The following PLCE1 variants were observed in gnomAD, a reference collection of about 807,000 sequenced individuals.
PLCE1 encodes the protein 1-phosphatidylinositol 4,5-bisphosphate phosphodiesterase epsilon-1.
In PLCE1, 119 loss-of-function variants were observed where a neutral mutation model predicts 242.8. That is an observed-to-expected ratio of 0.49 (90% CI 0.42 to 0.57). PLCE1 has a LOEUF of 0.57. PLCE1 is among the 20% of genes least tolerant of loss of function. PLCE1 has a pLI of 0.00. For synonymous variants in PLCE1, 945 were observed against 1,017.4 expected, an observed-to-expected ratio of 0.93 and a Z score of 1.35; for missense variants, 2,441 against 2,788.8, an observed-to-expected ratio of 0.88 and a Z score of 2.81.
intron 2 of PLCE1, among the ~76,000 whole-genome samples, chr10:94,050,036 C>T (rs1027579927): frequency 2.5e-4 from 38 of 152,104 alleles, no homozygotes; most frequent in African/African-American, 8.4e-4. Context: ...GTTTGTTCAC[C>T]GTTTGGGGCT....
chr10:94,163,477 A>G (rs1286245426), intron 3 of PLCE1, among the ~76,000 whole-genome samples: 3 of 151,830 alleles, frequency 2.0e-5, no homozygotes. Flanking sequence ...TAGGATTGCA[A>G]CCCCTGCCTT....
intron 7 of PLCE1, among the ~76,000 whole-genome samples, chr10:94,244,211 G>A (rs2050601690): frequency 6.6e-6 from 1 of 152,160 alleles, no homozygotes; most frequent in Non-Finnish European, 1.5e-5. Flanking sequence ...AGTCTAAACT[G>A]AGGAGTATCA....
chr10:94,277,897 A>C (rs1165385509), intron 19 of PLCE1, among the ~76,000 whole-genome samples: 1 of 152,188 alleles, frequency 6.6e-6, no homozygotes, highest in Non-Finnish European at 1.5e-5. Flanking sequence ...CTGTAGTAGG[A>C]ATGTGTTCAG....
rs1376869951 is a variant in PLCE1 at position 94,139,490 on chromosome 10, G to A, written c.1492+7031G>A. 10 of 155,680 alleles carry A rather than the reference G, an allele frequency of 6.4e-5. No homozygotes were observed. The Admixed American group carries it at 6.5e-4, about 10-fold the overall frequency. The allele number at this position is 155,680 out of a possible 1,614,324, so 9.6% of individuals were successfully genotyped here. On this transcript the variant is annotated intron_variant, in intron 3 of 32. Transcript: ENST00000371380. ...CAGAGGCCAAAGGGGTCCAGAAGGA[G>A]GTCAAGTTGGCTGAGCAGGCCTTTC...
At chr10:94,050,806 G>A (rs78406830) in intron 2 of PLCE1, among the ~76,000 whole-genome samples, 2,228 of 152,230 alleles carry the variant, frequency 0.015, 54 homozygotes, top group African/African-American at 0.04. Context: ...AATATGCAAG[G>A]AAAGGAGGGA....
At chr10:93,999,595 C>T (rs557057408) in intron 1 of PLCE1, among the ~76,000 whole-genome samples, 5 of 152,324 alleles carry the variant, frequency 3.3e-5, no homozygotes, top group Admixed American at 1.3e-4. Flanking sequence ...TTGAAATACT[C>T]GTAAGTTTTC....
chr10:94,178,159 G>A (rs1236397559), intron 4 of PLCE1, among the ~76,000 whole-genome samples: 1 of 152,132 alleles, frequency 6.6e-6, no homozygotes, highest in African/African-American at 2.4e-5. Flanking sequence ...GCACTCTTTT[G>A]TGTAACAGAC....
At chr10:94,111,186 T>G (rs2045944205) in intron 2 of PLCE1, among the ~76,000 whole-genome samples, 1 of 152,196 alleles carries the variant, frequency 6.6e-6, no homozygotes, top group Non-Finnish European at 1.5e-5. Flanking sequence ...CATGAGACAT[T>G]TATTTTCCAG....
At chr10:94,114,428 C>T (rs17416616) in intron 2 of PLCE1, among the ~76,000 whole-genome samples, 85,040 of 152,038 alleles carry the variant, frequency 0.56, 24,839 homozygotes, top group South Asian at 0.76. Context: ...CCAAATGCTG[C>T]ACTTCAGAGC....
At chr10:94,142,745 C>A (rs771885021) in intron 3 of PLCE1, among the ~76,000 whole-genome samples, 13 of 152,132 alleles carry the variant, frequency 8.5e-5, no homozygotes, top group Non-Finnish European at 1.9e-4. Flanking sequence ...CAAGAAAAGA[C>A]AAGTACCCTC....
chr10:94,115,587 A>G (rs1457215939), intron 2 of PLCE1, among the ~76,000 whole-genome samples: 5 of 152,200 alleles, frequency 3.3e-5, no homozygotes, highest in South Asian at 2.1e-4. Flanking sequence ...GTCTGTTCAT[A>G]TCCTTCGCCC....
Position 94,298,711 on chromosome 10 carries a change from A to G in PLCE1, c.5458+42A>G, listed in dbSNP as rs200910879. 92 of 1,601,584 alleles carry G rather than the reference A, an allele frequency of 5.7e-5. No individual in the cohort carries two copies. The African/African-American group carries it at 9.2e-4, about 16-fold the overall frequency. The stretch of plus-strand genomic sequence containing the variant: ...CTCACCTCGCTCCTTTGCATCTTAC[A>G]TTTCAGTAAATGCAGTTTGACAGCA... On this transcript the variant is annotated intron_variant, in intron 24 of 32. Coordinates refer to ENST00000371380, the MANE Select transcript of PLCE1 (RefSeq NM_016341.4). The surrounding 1 kb of genome is among the most constrained non-coding windows in gnomAD (Gnocchi z 5.2).
At chr10:94,262,845 A>G in intron 14 of PLCE1, 113 bp downstream of exon 14, 1 of 853,322 alleles carries the variant, frequency 1.2e-6, no homozygotes, top group Non-Finnish European at 2.0e-6. Context: ...TAAATCTGGG[A>G]CAGATATACA....
At position 94,191,299 on chromosome 10, in the gene PLCE1, AC is replaced by A. The variant is rs201900481; in HGVS notation, c.1809+19810del. Among the ~76,000 whole-genome samples the A allele has an allele frequency of 4.1e-3, 623 of 151,570 alleles. 6 individuals are homozygous for A. The highest frequency in any genetic ancestry group is 0.014 in the African/African-American group (595 of 41,274). ...GGAGAATTTCACTAGAGCAGAGAGGACCCCCCCTGCCCCAAACAGAAAAACC... is the reference window on the plus strand; with the variant it reads ...GGAGAATTTCACTAGAGCAGAGAGGACCCCCCTGCCCCAAACAGAAAAACC... On this transcript the variant is annotated intron_variant, in intron 4 of 32. Transcript: ENST00000371380.
intron 2 of PLCE1, among the ~76,000 whole-genome samples, chr10:94,079,719 C>G (rs1268931490): frequency 1.3e-5 from 2 of 152,184 alleles, no homozygotes; most frequent in Non-Finnish European, 2.9e-5. Context: ...ACTGGAATTT[C>G]TGACTTCTGA....
At chr10:94,278,147 A>G (rs2052033675) in intron 19 of PLCE1, among the ~76,000 whole-genome samples, 1 of 152,196 alleles carries the variant, frequency 6.6e-6, no homozygotes, top group African/African-American at 2.4e-5. Flanking sequence ...AGGTAATATA[A>G]CCACATTTCA....
Position 94,293,650 on chromosome 10 carries a change from T to G in PLCE1, c.5167+11T>G. The G allele has an allele frequency of 6.2e-7, 1 of 1,613,042 alleles. No homozygotes were observed. The highest frequency in any genetic ancestry group is 8.5e-7 in the Non-Finnish European group (1 of 1,179,272). On this transcript the variant is annotated intron_variant, in intron 23 of 32. Coordinates refer to ENST00000371380, the MANE Select transcript of PLCE1 (RefSeq NM_016341.4). ...AAACATCTGGAAAAAGTAAAGTCACTTTCTTACAATATCTTTGCTTGATTC... is the reference window on the plus strand; with the variant it reads ...AAACATCTGGAAAAAGTAAAGTCACGTTCTTACAATATCTTTGCTTGATTC...
chr10:94,321,632 A>G (rs1232715194), intron 29 of PLCE1, among the ~76,000 whole-genome samples: 2 of 151,462 alleles, frequency 1.3e-5, no homozygotes, highest in East Asian at 3.9e-4. Context: ...CATCTCAGAA[A>G]AAAAAAAAAA....
rs2061755736 is a variant in PLCE1 at position 94,041,006 on chromosome 10, G to A, written c.1206+8754G>A. On this transcript the variant is annotated intron_variant, in intron 2 of 32. Transcript: ENST00000371380. ...CACAACAGACACTGTATGACCTGCAGAAACTAAAATATTTGTTATCTTGTC... is the reference window on the plus strand; with the variant it reads ...CACAACAGACACTGTATGACCTGCAAAAACTAAAATATTTGTTATCTTGTC... 2.6e-5 allele frequency among the ~76,000 whole-genome samples: 4 copies of A among 152,248 alleles called. No homozygotes were observed. In the South Asian group the frequency reaches 8.3e-4, roughly 32 times the overall value.
Sources: gnomAD v4.1 joint callset for allele counts (sites outside exome capture counted in the v4.1 genomes callset) on GRCh38, gnomAD v4.1.1 for gene constraint, Gnocchi (gnomAD v3.1) non-coding constraint, MANE v1.5 for transcripts, NCBI Gene and HGNC (gene_info 2026-07-23, HGNC 2026-07-21) for gene names.